Variants in CADM2 observed in about 807,000 individuals in gnomAD.
CADM2 encodes the protein immunoglobulin superfamily member 4D.
Under a neutral mutation model 49.8 loss-of-function variants are expected in CADM2, and 12 were observed. The ratio of observed to expected loss-of-function variants is 0.24; its 90% CI spans 0.15 to 0.39. The LOEUF (loss-of-function observed/expected upper bound fraction) is 0.39. Among genes scored for constraint, CADM2 ranks in the 10% least tolerant of loss-of-function variants. The probability of loss-of-function intolerance (pLI) is 1.00; values close to 1 mark genes in which losing one functional copy is unlikely to be tolerated. For synonymous variants in CADM2, 214 were observed against 175.4 expected, an observed-to-expected ratio of 1.22 and a Z score of -1.74; for missense variants, 378 against 492.3, an observed-to-expected ratio of 0.77 and a Z score of 2.20.
At chr3:85,921,772 C>A (rs1297301148) in intron 6 of CADM2, among the ~76,000 whole-genome samples, 1 of 151,950 alleles carries the variant, frequency 6.6e-6, no homozygotes, top group Non-Finnish European at 1.5e-5. Context: ...CTCTCTCTCT[C>A]TCGTTACATC....
At chr3:85,116,481 T>C (rs1270007888) in intron 1 of CADM2, among the ~76,000 whole-genome samples, 1 of 152,148 alleles carries the variant, frequency 6.6e-6, no homozygotes, top group Admixed American at 6.5e-5. Flanking sequence ...AAAGGTAAGT[T>C]AGCGTTAATA....
At chr3:85,367,109 TATA>T (rs1472681621) in intron 1 of CADM2, among the ~76,000 whole-genome samples, 1 of 152,124 alleles carries the variant, frequency 6.6e-6, no homozygotes. Flanking sequence ...GGTTTTGATA[TATA>T]ATATCAAAAT....
intron 8 of CADM2, among the ~76,000 whole-genome samples, chr3:86,021,461 G>T (rs753605305): frequency 6.6e-6 from 1 of 152,066 alleles, no homozygotes; most frequent in Admixed American, 6.5e-5. Context: ...GGCTTAAGTA[G>T]TCTCTAATAA....
rs576619116 is a variant in CADM2 at position 86,060,015 on chromosome 3, T to C, written c.971-5590T>C. Among the ~76,000 whole-genome samples the C allele has an allele frequency of 2.0e-5, 3 of 152,272 alleles. No individual in the cohort carries two copies. In the East Asian group the frequency reaches 5.8e-4, roughly 29 times the overall value. Reference sequence around the variant, plus strand: ...TATGAAAATATGTTGATTTACTTTGTCAATGAAATGAAAGATGGAAGTTGA... The same window carrying C: ...TATGAAAATATGTTGATTTACTTTGCCAATGAAATGAAAGATGGAAGTTGA... On this transcript the variant is annotated intron_variant, in intron 8 of 9. Transcript: ENST00000383699.
intron 1 of CADM2, among the ~76,000 whole-genome samples, chr3:85,113,111 T>C (rs2038520351): frequency 6.6e-6 from 1 of 152,094 alleles, no homozygotes; most frequent in African/African-American, 2.4e-5. Flanking sequence ...AGTTTTCCAC[T>C]GTATTGATGT....
At chr3:85,815,601 T>C in intron 3 of CADM2, among the ~76,000 whole-genome samples, 1 of 151,284 alleles carries the variant, frequency 6.6e-6, no homozygotes, top group African/African-American at 2.5e-5. Context: ...TATCTCAAAA[T>C]AATAAGAGCT....
chr3:85,803,173 A>G (rs2072163832), intron 3 of CADM2, among the ~76,000 whole-genome samples: 1 of 152,128 alleles, frequency 6.6e-6, no homozygotes, highest in African/African-American at 2.4e-5. Context: ...CTCTAGATTT[A>G]AAATGAAATC....
At chr3:85,841,350 A>G (rs1011455390) in intron 3 of CADM2, among the ~76,000 whole-genome samples, 1 of 151,888 alleles carries the variant, frequency 6.6e-6, no homozygotes, top group Non-Finnish European at 1.5e-5. Context: ...TGCCTTATGA[A>G]TTTAGAGTAC....
intron 1 of CADM2, among the ~76,000 whole-genome samples, chr3:85,491,722 C>T (rs1349330650): frequency 2.6e-5 from 4 of 151,872 alleles, no homozygotes; most frequent in African/African-American, 4.8e-5. Flanking sequence ...GAGGCAGAGG[C>T]GGGCAGATCA....
intron 1 of CADM2, among the ~76,000 whole-genome samples, chr3:85,352,917 G>A (rs1229667567): frequency 2.0e-5 from 3 of 152,088 alleles, no homozygotes; most frequent in Non-Finnish European, 2.9e-5. Flanking sequence ...ATGATGCTAA[G>A]CTTTACAGAG....
chr3:85,208,515 G>A (rs551380462), intron 1 of CADM2, among the ~76,000 whole-genome samples: 7 of 152,014 alleles, frequency 4.6e-5, no homozygotes, highest in Admixed American at 6.5e-5. Flanking sequence ...AGATTTTGCT[G>A]GTTTAATAAT....
At chr3:85,316,640 TTTAA>T (rs2044471920) in intron 1 of CADM2, among the ~76,000 whole-genome samples, 1 of 152,128 alleles carries the variant, frequency 6.6e-6, no homozygotes, top group Admixed American at 6.6e-5. Context: ...TTCCTTGTAA[TTTAA>T]TTAATTTAAT....
At chr3:85,705,707 T>G (rs2066926903) in intron 1 of CADM2, among the ~76,000 whole-genome samples, 1 of 152,232 alleles carries the variant, frequency 6.6e-6, no homozygotes, top group Non-Finnish European at 1.5e-5. Flanking sequence ...TACATAACCT[T>G]CTGCCATTTT....
At chr3:85,560,874 T>C (rs1343310015) in intron 1 of CADM2, among the ~76,000 whole-genome samples, 2 of 152,338 alleles carry the variant, frequency 1.3e-5, no homozygotes, top group East Asian at 3.9e-4. Flanking sequence ...ATGTAAATGT[T>C]TTACCATGTT....
chr3:85,764,774 T>C (rs2069574381), intron 2 of CADM2, among the ~76,000 whole-genome samples: 1 of 152,204 alleles, frequency 6.6e-6, no homozygotes, highest in Admixed American at 6.5e-5. Context: ...TATATTACTA[T>C]AGCAAAAGTG....
At chr3:85,562,749 A>G (rs1335000827) in intron 1 of CADM2, among the ~76,000 whole-genome samples, 1 of 152,130 alleles carries the variant, frequency 6.6e-6, no homozygotes, top group Non-Finnish European at 1.5e-5. Flanking sequence ...GTGTTGCTAT[A>G]CTTCATTCTT....
chr3:85,412,120 A>G (rs925918837), intron 1 of CADM2, among the ~76,000 whole-genome samples: 3 of 152,150 alleles, frequency 2.0e-5, no homozygotes, highest in African/African-American at 7.2e-5. Flanking sequence ...GTGAGCCAAC[A>G]TGCCGGGCCC....
chr3:85,450,134 GA>G (rs1410073964), intron 1 of CADM2, among the ~76,000 whole-genome samples: 3 of 152,056 alleles, frequency 2.0e-5, no homozygotes, highest in Admixed American at 1.3e-4. Context: ...AATCAGTGAA[GA>G]AAAAACTATC....
At chr3:85,251,924 A>C (rs142678485) in intron 1 of CADM2, among the ~76,000 whole-genome samples, 176 of 152,082 alleles carry the variant, frequency 1.2e-3, no homozygotes, top group Non-Finnish European at 1.9e-3. Flanking sequence ...GGTCAACATG[A>C]ATGGCATTTT....
Sources: gnomAD v4.1 joint callset for allele counts (sites outside exome capture counted in the v4.1 genomes callset) on GRCh38, gnomAD v4.1.1 for gene constraint, MANE v1.5 for transcripts, NCBI Gene and HGNC (gene_info 2026-07-23, HGNC 2026-07-21) for gene names.